The following SARM1 variants were observed in gnomAD, a reference collection of about 807,000 sequenced individuals.
The protein encoded by SARM1 is NAD(+) hydrolase SARM1.
In SARM1, 60 loss-of-function variants were observed where a neutral mutation model predicts 65.1. The ratio of observed to expected loss-of-function variants is 0.92; its 90% CI spans 0.75 to 1.14. SARM1 has a LOEUF of 1.14. Among genes scored for constraint, SARM1 ranks in the 50% most tolerant of loss-of-function variants. The probability of loss-of-function intolerance (pLI) is 0.00; values close to 1 mark genes in which losing one functional copy is unlikely to be tolerated. For synonymous variants in SARM1, 417 were observed against 465.4 expected, an observed-to-expected ratio of 0.90 and a Z score of 1.34; for missense variants, 913 against 1,015.7, an observed-to-expected ratio of 0.90 and a Z score of 1.37.
In SARM1 at chr17:28,401,147, C is replaced by A. The variant is rs41297109; in HGVS notation, c.*4861C>A. On this transcript the variant is annotated 3_prime_UTR_variant, in exon 9 of 9. Coordinates refer to ENST00000585482, the MANE Select transcript of SARM1 (RefSeq NM_015077.4). Reference sequence around the variant, plus strand: ...GTTTGGGATTAACTGCTGGTCTGATCAGTTCCAATATTCATAGCGGTGTCA... The same window carrying A: ...GTTTGGGATTAACTGCTGGTCTGATAAGTTCCAATATTCATAGCGGTGTCA... 1.9e-5 allele frequency: 6 copies of A among 322,668 alleles called. No homozygotes were observed. Among genetic ancestry groups the A allele is most frequent in the Non-Finnish European group, 3.6e-5 (6 of 166,010 alleles). 20.0% of individuals were successfully genotyped at this position (322,668 alleles called of 1,614,324 possible). A position where few individuals can be genotyped will look rare whatever the true frequency, so the allele number is the denominator to read the frequency against.
At chr17:28,378,481 A>G (rs1350149839) in intron 1 of SARM1, among the ~76,000 whole-genome samples, 4 of 152,266 alleles carry the variant, frequency 2.6e-5, no homozygotes, top group South Asian at 2.1e-4. Context: ...GTATCTTTCT[A>G]TCTGTGTTCT....
At chr17:28,393,308 G>A (rs1397657178) in intron 7 of SARM1, among the ~76,000 whole-genome samples, 2 of 152,048 alleles carry the variant, frequency 1.3e-5, no homozygotes, top group Non-Finnish European at 2.9e-5. Context: ...CAACACTTTG[G>A]GATGCTAAGG....
chr17:28,388,130 T>G, intron 5 of SARM1, 44 bp from the exon 6 acceptor site: 1 of 1,345,368 alleles, frequency 7.4e-7, no homozygotes, highest in Non-Finnish European at 1.0e-6. Flanking sequence ...CAGTGAGTGA[T>G]GCGGAGGGGC....
At chr17:28,390,521 T>G (rs1245354083) in intron 7 of SARM1, among the ~76,000 whole-genome samples, 2 of 152,104 alleles carry the variant, frequency 1.3e-5, no homozygotes, top group Non-Finnish European at 2.9e-5. Context: ...GGGGTTAAAA[T>G]ATTTTTATTT....
chr17:28,386,406 C>T (rs1310878845), intron 5 of SARM1, among the ~76,000 whole-genome samples: 1 of 150,692 alleles, frequency 6.6e-6, no homozygotes, highest in Non-Finnish European at 1.5e-5. Flanking sequence ...ATATTTCCAT[C>T]ATGGGTGTTC....
At chr17:28,378,621 T>C (rs1357971241) in intron 1 of SARM1, among the ~76,000 whole-genome samples, 1 of 144,448 alleles carries the variant, frequency 6.9e-6, no homozygotes, top group Non-Finnish European at 1.5e-5. Flanking sequence ...TATTGGTTTT[T>C]TTGTTTTTGT....
chr17:28,385,925 G>T lies in SARM1; in HGVS notation c.1630+650G>T, dbSNP rs1419703335. 6.6e-6 allele frequency among the ~76,000 whole-genome samples: 1 copy of T among 152,124 alleles called. No individual in the cohort carries two copies. The highest frequency in any genetic ancestry group is 1.5e-5 in the Non-Finnish European group (1 of 68,030). ...ATATTATCCCATCAGTCTCTATATT[G>T]ATTCTATGCAATGAGTGTTCAGTTT... On this transcript the variant is annotated intron_variant, in intron 5 of 8. Coordinates refer to ENST00000585482, the MANE Select transcript of SARM1 (RefSeq NM_015077.4). This position sits in a 1 kb window ranked among gnomAD's most constrained non-coding sequence, Gnocchi z 4.5.
chr17:28,388,643 C>G, intron 7 of SARM1, 104 bp downstream of exon 7: 2 of 1,191,230 alleles, frequency 1.7e-6, no homozygotes, highest in Non-Finnish European at 1.2e-6. Context: ...CACACTTAGC[C>G]CTGAAGCACC....
rs781813444 is a variant in SARM1, at chr17:28,396,049, CA to C, written c.2045+24del. 20 of 1,613,624 alleles carry C rather than the reference CA, an allele frequency of 1.2e-5. No individual in the cohort carries two copies. In the African/African-American group the frequency reaches 1.6e-4, roughly 13 times the overall value. On this transcript the variant is annotated intron_variant, in intron 8 of 8. Coordinates refer to ENST00000585482, the MANE Select transcript of SARM1 (RefSeq NM_015077.4). Reference sequence around the variant, plus strand: ...CAAGTGAGCCCCAGGGCCCTGGGACCAGGGGGGTAGGGTACAAATCACCATG... The same window carrying C: ...CAAGTGAGCCCCAGGGCCCTGGGACCGGGGGGTAGGGTACAAATCACCATG...
chr17:28,396,121 C>T, intron 8 of SARM1, 36 bp from the exon 9 acceptor site: 3 of 1,613,888 alleles, frequency 1.9e-6, no homozygotes, highest in Non-Finnish European at 2.5e-6. Flanking sequence ...TCCCTCTGCC[C>T]AGCTGTCTGA....
rs1288817381 is a variant in SARM1 at position 28,398,706 on chromosome 17, G to T, written c.*2420G>T. The T allele has an allele frequency of 6.6e-6, 1 of 152,284 alleles. No individual in the cohort carries two copies. The highest frequency in any genetic ancestry group is 1.5e-5 in the Non-Finnish European group (1 of 68,104). The allele number at this position is 152,284 out of a possible 1,614,324, so 9.4% of individuals were successfully genotyped here. On this transcript the variant is annotated 3_prime_UTR_variant, in exon 9 of 9. Coordinates refer to ENST00000585482, the MANE Select transcript of SARM1 (RefSeq NM_015077.4). ...CCACACTCATTCATCCTTTCCCCAGGCCCATGAAGAGAGGCATCTCATTGT... is the reference window on the plus strand; with the variant it reads ...CCACACTCATTCATCCTTTCCCCAGTCCCATGAAGAGAGGCATCTCATTGT...
chr17:28,375,371 G>C (rs112558558), intron 1 of SARM1, among the ~76,000 whole-genome samples: 1 of 152,212 alleles, frequency 6.6e-6, no homozygotes, highest in African/African-American at 2.4e-5. Flanking sequence ...GCCCAGGCGG[G>C]AGATTGCCTG....
In SARM1 at chr17:28,398,324, C is replaced by T. The variant is rs146041886; in HGVS notation, c.*2038C>T. 1.8e-3 allele frequency: 273 copies of T among 152,572 alleles called. 4 individuals are homozygous for T. In the South Asian group the frequency reaches 0.024, roughly 14 times the overall value. The allele number at this position is 152,572 out of a possible 1,614,324, so 9.5% of individuals were successfully genotyped here. On this transcript the variant is annotated 3_prime_UTR_variant, in exon 9 of 9. Coordinates refer to ENST00000585482, the MANE Select transcript of SARM1 (RefSeq NM_015077.4). ...GCCTTCTGGTTGACCTCTGCCCGATCTTCTGTCTCTCTGAGGGAATCAGAG... is the reference window on the plus strand; with the variant it reads ...GCCTTCTGGTTGACCTCTGCCCGATTTTCTGTCTCTCTGAGGGAATCAGAG...
At chr17:28,381,069 G>T (rs1238418086) in intron 1 of SARM1, 134 bp from the exon 2 acceptor site, 2 of 1,037,158 alleles carry the variant, frequency 1.9e-6, no homozygotes, top group Middle Eastern at 3.1e-4. Flanking sequence ...AGGGTGGGGA[G>T]CAGGGAGGGG....
chr17:28,387,002 G>A (rs2068053168), intron 5 of SARM1, among the ~76,000 whole-genome samples: 2 of 152,178 alleles, frequency 1.3e-5, no homozygotes, highest in African/African-American at 4.8e-5. Flanking sequence ...GCCTCCCAAA[G>A]TGTTGAGATT....
Position 28,372,414 on chromosome 17 carries a change from C to CTGCTGT in SARM1, c.386_391dup (p.Leu129_Leu130dup), listed in dbSNP as rs1555584198. On this transcript the variant is annotated inframe_insertion, in exon 1 of 9. Coordinates refer to ENST00000585482, the MANE Select transcript of SARM1 (RefSeq NM_015077.4). The surrounding 1 kb of genome is among the most constrained non-coding windows in gnomAD (Gnocchi z 5.2). ...CATCCGCCTCGATGGCGGCCTCGAC[C>CTGCTGT]TGCTGTTGCGGCTGCTGCAGGCGCC... 9.2e-6 allele frequency: 14 copies of CTGCTGT among 1,529,944 alleles called. No homozygotes were observed. Among genetic ancestry groups the CTGCTGT allele is most frequent in the Non-Finnish European group, 1.1e-5 (13 of 1,144,910 alleles). 94.8% of individuals were successfully genotyped at this position (1,529,944 alleles called of 1,614,324 possible). A position where few individuals can be genotyped will look rare whatever the true frequency, so the allele number is the denominator to read the frequency against.
chr17:28,395,892 T>A lies in SARM1; in HGVS notation c.1924-13T>A. The A allele has an allele frequency of 6.2e-7, 1 of 1,613,458 alleles. No homozygotes were observed. Among genetic ancestry groups the A allele is most frequent in the Non-Finnish European group, 8.5e-7 (1 of 1,179,862 alleles). Reference sequence around the variant, plus strand: ...GTACAGGGGTATCTTCCTCCTTTCCTTTCTTTCTCCAGGAGATTGTGACTG... The same window carrying A: ...GTACAGGGGTATCTTCCTCCTTTCCATTCTTTCTCCAGGAGATTGTGACTG... On this transcript the variant is annotated splice_polypyrimidine_tract_variant and intron_variant, in intron 7 of 8. Transcript: ENST00000585482.
rs2068038696 is a variant in SARM1 at position 28,384,351 on chromosome 17, C to T, written c.1090-6C>T. ...ACCTACAGCCCTCTCCCCACTCCCT[C>T]CCTAGGTGTTCAGCGACATCGGCGC... On this transcript the variant is annotated splice_region_variant and splice_polypyrimidine_tract_variant and intron_variant, in intron 2 of 8. Coordinates refer to ENST00000585482, the MANE Select transcript of SARM1 (RefSeq NM_015077.4). This position sits in a 1 kb window ranked among gnomAD's most constrained non-coding sequence, Gnocchi z 4.4. The T allele has an allele frequency of 6.3e-7, 1 of 1,577,850 alleles. No homozygotes were observed. Among genetic ancestry groups the T allele is most frequent in the African/African-American group, 1.3e-5 (1 of 74,198 alleles).
At position 28,402,144 on chromosome 17, in the gene SARM1, A is replaced by C. The variant is rs935173519; in HGVS notation, c.*5858A>C. ...TACTTCTCCAGGGTGAGAGGGGGGA[A>C]GGCAAGCTGTTCCCCCAGCCATGGC... On this transcript the variant is annotated 3_prime_UTR_variant, in exon 9 of 9. Transcript: ENST00000585482. The C allele has an allele frequency of 1.9e-6, 2 of 1,067,628 alleles. No individual in the cohort carries two copies. The highest frequency in any genetic ancestry group is 2.6e-5 in the East Asian group (1 of 38,120). 66.1% of individuals were successfully genotyped at this position (1,067,628 alleles called of 1,614,324 possible).
Sources: allele counts gnomAD v4.1 joint callset (sites outside exome capture counted in the v4.1 genomes callset), GRCh38; gene constraint gnomAD v4.1.1; non-coding constraint Gnocchi (gnomAD v3.1); transcripts MANE v1.5; gene names NCBI Gene and HGNC (gene_info 2026-07-23, HGNC 2026-07-21).